Variants in EMILIN2 observed in about 807,000 individuals in gnomAD.
The protein encoded by EMILIN2 is elastin microfibril interfacer 2.
Under a neutral mutation model 87.1 loss-of-function variants are expected in EMILIN2, and 71 were observed. The observed-to-expected ratio is 0.82, with a 90% CI of 0.67 to 0.99. The LOEUF is 0.99. Among genes scored for constraint, EMILIN2 ranks in the 50% least tolerant of loss-of-function variants. EMILIN2 has a pLI of 0.00. For missense variants in EMILIN2, 1,407 were observed against 1,371.8 expected (o/e 1.03, Z -0.40); for synonymous variants, 581 against 563.4 (o/e 1.03, Z -0.44).
chr18:2,907,358 C>T (rs1292902119), intron 5 of EMILIN2, among the ~76,000 whole-genome samples: 2 of 152,210 alleles, frequency 1.3e-5, no homozygotes, highest in Non-Finnish European at 2.9e-5. Context: ...ACGGGCAGCT[C>T]ATTGATTCCC....
At position 2,890,451 on chromosome 18, in the gene EMILIN2, C is replaced by G; in HGVS notation, c.434-110C>G. The G allele has an allele frequency of 7.7e-7, 1 of 1,306,860 alleles. No individual in the cohort carries two copies. Among genetic ancestry groups the G allele is most frequent in the Non-Finnish European group, 1.0e-6 (1 of 954,626 alleles). The allele number at this position is 1,306,860 out of a possible 1,614,324, so 81.0% of individuals were successfully genotyped here. On this transcript the variant is annotated intron_variant, in intron 3 of 7. Coordinates refer to ENST00000254528, the MANE Select transcript of EMILIN2 (RefSeq NM_032048.3). The surrounding 1 kb of genome is among the most constrained non-coding windows in gnomAD (Gnocchi z 4.7). ...TACTTACCTACAATTGTGTAGTGAC[C>G]TGTAAGTGAAGATGTACATGTATTT...
chr18:2,851,772 A>C (rs2076602888), intron 2 of EMILIN2, among the ~76,000 whole-genome samples: 1 of 152,216 alleles, frequency 6.6e-6, no homozygotes, highest in African/African-American at 2.4e-5. Flanking sequence ...GGGCATTTTA[A>C]GTAATCACTT....
chr18:2,909,954 T>C, intron 7 of EMILIN2, 135 bp downstream of exon 7: 2 of 1,239,186 alleles, frequency 1.6e-6, no homozygotes, highest in Non-Finnish European at 2.2e-6. Flanking sequence ...GATGCCCGAG[T>C]GGGCCTGCAC....
intron 4 of EMILIN2, among the ~76,000 whole-genome samples, chr18:2,896,875 G>A (rs1032318212): frequency 1.3e-5 from 2 of 152,066 alleles, no homozygotes; most frequent in Admixed American, 6.6e-5. Context: ...AGTGGCTTAC[G>A]CCTGTAATCC....
Position 2,890,724 on chromosome 18 carries a change from T to C in EMILIN2, c.597T>C (p.Leu199=). The C allele has an allele frequency of 6.2e-7, 1 of 1,614,124 alleles. No individual in the cohort carries two copies. The highest frequency in any genetic ancestry group is 8.5e-7 in the Non-Finnish European group (1 of 1,180,014). Residue 199 remains leucine, a synonymous_variant, in exon 4 of 8, where the codon CTT becomes CTC. Coordinates refer to ENST00000254528, the MANE Select transcript of EMILIN2 (RefSeq NM_032048.3). The surrounding 1 kb of genome is among the most constrained non-coding windows in gnomAD (Gnocchi z 4.7). Reference sequence around the variant, plus strand: ...TTCTTCGACTCACAAGGACGGTTCTTGACCTCCAGTCTTCCCTTGCTGGAG... The same window carrying C: ...TTCTTCGACTCACAAGGACGGTTCTCGACCTCCAGTCTTCCCTTGCTGGAG... ...EKVLRLTRTV[L]DLQSSLAGVS...
At chr18:2,877,710 G>A (rs1328107699) in intron 2 of EMILIN2, among the ~76,000 whole-genome samples, 1 of 151,508 alleles carries the variant, frequency 6.6e-6, no homozygotes, top group African/African-American at 2.4e-5. Context: ...CCCAGGAGGT[G>A]GAGGTTGCAG....
Position 2,847,297 on chromosome 18 carries a change from C to T in EMILIN2, c.109C>T (p.Pro37Ser). ...CCACGCCGGCCCGCAGCCCGGGTAT[C>T]CCGCGCGGCCCAGCGCCAGGAACAA... ...LCHAGPQPGY[P>S]ARPSARNKNW... The change falls in exon 1 of 8, where the codon CCC becomes TCC. Residue 37 changes from proline to serine, a missense_variant. By Grantham distance (74) the Pro-to-Ser change is moderately conservative. Transcript: ENST00000254528. The surrounding 1 kb of genome is among the most constrained non-coding windows in gnomAD (Gnocchi z 4.5). 7.6e-7 allele frequency: 1 copy of T among 1,318,040 alleles called. No individual in the cohort carries two copies. Among genetic ancestry groups the T allele is most frequent in the Admixed American group, 4.0e-5 (1 of 24,978 alleles). 81.6% of individuals were successfully genotyped at this position (1,318,040 alleles called of 1,614,324 possible). A position where few individuals can be genotyped will look rare whatever the true frequency, so the allele number is the denominator to read the frequency against.
chr18:2,879,030 G>A (rs1045616515), intron 2 of EMILIN2, among the ~76,000 whole-genome samples: 1 of 152,214 alleles, frequency 6.6e-6, no homozygotes, highest in Non-Finnish European at 1.5e-5. Context: ...TTGTGGAGCA[G>A]CTGGCGAGAT....
rs977309869 is a variant in EMILIN2, at chr18:2,868,551, C to T, written c.258-16413C>T. 3.9e-5 allele frequency among the ~76,000 whole-genome samples: 6 copies of T among 152,360 alleles called. No homozygotes were observed. In the East Asian group the frequency reaches 7.7e-4, roughly 20 times the overall value. On this transcript the variant is annotated intron_variant, in intron 2 of 7. Coordinates refer to ENST00000254528, the MANE Select transcript of EMILIN2 (RefSeq NM_032048.3). Reference sequence around the variant, plus strand: ...GGCTCCCTCTGCAATCCCGGCACCTCGGGAGGCCGAGGCTGGCGGATCACT... The same window carrying T: ...GGCTCCCTCTGCAATCCCGGCACCTTGGGAGGCCGAGGCTGGCGGATCACT...
rs1436745970 is a variant in EMILIN2 at position 2,847,357 on chromosome 18, C to T, written c.134+35C>T. 8 of 1,289,658 alleles carry T rather than the reference C, an allele frequency of 6.2e-6. No individual in the cohort carries two copies. The highest frequency in any genetic ancestry group is 7.8e-6 in the Non-Finnish European group (8 of 1,019,530). 79.9% of individuals were successfully genotyped at this position (1,289,658 alleles called of 1,614,324 possible). A position where few individuals can be genotyped will look rare whatever the true frequency, so the allele number is the denominator to read the frequency against. ...CGCCCCTTGGCTGGCCCCAAACCGC[C>T]TACCCCTCCCCGGCCCCCAGTTGAG... is the stretch of plus-strand genomic sequence containing the variant. On this transcript the variant is annotated intron_variant, in intron 1 of 7. Transcript: ENST00000254528. The surrounding 1 kb of genome is among the most constrained non-coding windows in gnomAD (Gnocchi z 4.5).
chr18:2,879,737 C>T (rs1020826805), intron 2 of EMILIN2, among the ~76,000 whole-genome samples: 3 of 148,636 alleles, frequency 2.0e-5, no homozygotes, highest in Admixed American at 1.3e-4. Context: ...GAGGTATGGT[C>T]TCTGTCGCCC....
At position 2,913,165 on chromosome 18, in the gene EMILIN2, G is replaced by A. The variant is rs201421289; in HGVS notation, c.2923G>A (p.Ala975Thr). ...GGAAGCAGTGCTGTCGGTCTCCAACGCCAGCGTGGCCCAGCTGCATACCGC... is the reference window on the plus strand; with the variant it reads ...GGAAGCAGTGCTGTCGGTCTCCAACACCAGCGTGGCCCAGCTGCATACCGC... ...YVEAVLSVSN[A>T]SVAQLHTAGY... The change falls in exon 8 of 8, where the codon GCC becomes ACC. Residue 975 changes from alanine (A) to threonine (T), a missense_variant. By Grantham distance (58) the Ala-to-Thr change is moderately conservative. Coordinates refer to ENST00000254528, the MANE Select transcript of EMILIN2 (RefSeq NM_032048.3). 16 of 1,613,566 alleles carry A rather than the reference G, an allele frequency of 9.9e-6. No individual in the cohort carries two copies. Among genetic ancestry groups the A allele is most frequent in the Middle Eastern group, 1.6e-4 (1 of 6,084 alleles).
rs545485364 is a variant in EMILIN2, at chr18:2,885,205, A to G, written c.433+66A>G. ...TATTTCCGGTGCTCCTTCAAACAAC[A>G]GGATTTGTGCTTTACAATGGTGAGC... On this transcript the variant is annotated intron_variant, in intron 3 of 7. Coordinates refer to ENST00000254528, the MANE Select transcript of EMILIN2 (RefSeq NM_032048.3). 1.5e-5 allele frequency: 23 copies of G among 1,487,872 alleles called. No individual in the cohort carries two copies. The South Asian group carries it at 2.9e-4, about 19-fold the overall frequency. 92.2% of individuals were successfully genotyped at this position (1,487,872 alleles called of 1,614,324 possible). A position where few individuals can be genotyped will look rare whatever the true frequency, so the allele number is the denominator to read the frequency against.
chr18:2,899,544 AC>A (rs61293490), intron 4 of EMILIN2, among the ~76,000 whole-genome samples: 168 of 152,132 alleles, frequency 1.1e-3, no homozygotes, highest in African/African-American at 3.7e-3. Flanking sequence ...TTGCTCTGTC[AC>A]CCAGGCTGGA....
intron 6 of EMILIN2, 149 bp from the exon 7 acceptor site, chr18:2,909,542 G>T (rs1468205028): frequency 1.1e-6 from 1 of 940,524 alleles, no homozygotes; most frequent in Non-Finnish European, 1.6e-6. Context: ...CCCTCTGGCT[G>T]TTGGGCATGA....
chr18:2,879,643 A>C (rs1315365172), intron 2 of EMILIN2, among the ~76,000 whole-genome samples: 1 of 152,022 alleles, frequency 6.6e-6, no homozygotes, highest in Admixed American at 6.5e-5. Context: ...CCTGAGCGAC[A>C]GAGAGAGACT....
At chr18:2,857,245 TG>T (rs1460870261) in intron 2 of EMILIN2, among the ~76,000 whole-genome samples, 1 of 152,252 alleles carries the variant, frequency 6.6e-6, no homozygotes, top group African/African-American at 2.4e-5. Flanking sequence ...ATCATTTCAA[TG>T]GAAGAATTTG....
At chr18:2,912,162 C>G (rs2076944203) in intron 7 of EMILIN2, among the ~76,000 whole-genome samples, 1 of 151,228 alleles carries the variant, frequency 6.6e-6, no homozygotes, top group East Asian at 2.0e-4. Flanking sequence ...CCTCAGCCTC[C>G]TGAGTAGTTG....
chr18:2,849,685 A>G (rs585539), intron 2 of EMILIN2, among the ~76,000 whole-genome samples: 77,502 of 152,034 alleles, frequency 0.51, 21,217 homozygotes, highest in African/African-American at 0.71. Context: ...AGTGACCTGG[A>G]TGTTTTATTT....
Sources: allele counts gnomAD v4.1 joint callset (sites outside exome capture counted in the v4.1 genomes callset), GRCh38; gene constraint gnomAD v4.1.1; non-coding constraint Gnocchi (gnomAD v3.1); transcripts MANE v1.5; gene names NCBI Gene and HGNC (gene_info 2026-07-23, HGNC 2026-07-21).